The following VWA3B variants were observed in gnomAD, a reference collection of about 807,000 sequenced individuals.
VWA3B encodes von Willebrand factor A domain containing 3B.
A neutral mutation model predicts 158.3 loss-of-function variants in VWA3B; 138 were observed. The observed-to-expected ratio is 0.87, with a 90% CI of 0.76 to 1.00. The LOEUF (loss-of-function observed/expected upper bound fraction) is 1.00, where lower values mean the gene tolerates loss of function less well. Among genes scored for constraint, VWA3B ranks in the 50% least tolerant of loss-of-function variants. The pLI is 0.00. For synonymous variants in VWA3B, 596 were observed against 587.3 expected (o/e 1.01, Z -0.21); for missense variants, 1,555 against 1,565.1 (o/e 0.99, Z 0.11).
chr2:98,097,438 CT>C (rs1204115219), intron 2 of VWA3B, among the ~76,000 whole-genome samples: 2 of 152,134 alleles, frequency 1.3e-5, no homozygotes, highest in South Asian at 2.1e-4. Context: ...TTATTTCATT[CT>C]TTTTTTATGC....
intron 26 of VWA3B, among the ~76,000 whole-genome samples, chr2:98,305,201 C>T (rs1301078060): frequency 6.6e-6 from 1 of 152,198 alleles, no homozygotes; most frequent in Non-Finnish European, 1.5e-5. Context: ...CTCACTGCCT[C>T]CATGACTCCC....
intron 14 of VWA3B, among the ~76,000 whole-genome samples, chr2:98,227,740 G>T (rs1685028456): frequency 6.6e-6 from 1 of 152,206 alleles, no homozygotes; most frequent in African/African-American, 2.4e-5. Flanking sequence ...GGAGAATTGA[G>T]GGAGAGGGCT....
intron 8 of VWA3B, among the ~76,000 whole-genome samples, chr2:98,164,066 C>T (rs773135151): frequency 2.0e-5 from 3 of 152,152 alleles, no homozygotes; most frequent in Non-Finnish European, 2.9e-5. Context: ...CAGCCTTGAC[C>T]CTTGCCTGCA....
chr2:98,291,063 G>C (rs1689466958), intron 23 of VWA3B: 1 of 157,078 alleles, frequency 6.4e-6, no homozygotes, highest in African/African-American at 2.4e-5. Context: ...CACAAATGGG[G>C]TTGAGAATGT....
rs1681211900 is a variant in VWA3B at position 98,187,687 on chromosome 2, TG to T, written c.1312-287del. ...GTCTGTGTGTGTGTGTGTGTGTGTG[TG>T]TGTGTGTGTGTGTGTCGGTTGGGGG... On this transcript the variant is annotated intron_variant, in intron 9 of 27. Coordinates refer to ENST00000477737, the MANE Select transcript of VWA3B (RefSeq NM_144992.5). 1.8e-4 allele frequency among the ~76,000 whole-genome samples: 27 copies of T among 151,718 alleles called. No individual in the cohort carries two copies. In the South Asian group the frequency reaches 5.5e-3, roughly 31 times the overall value.
In VWA3B at chr2:98,119,515, G is replaced by T; in HGVS notation, c.294G>T (p.Leu98=). 6.2e-7 allele frequency: 1 copy of T among 1,613,172 alleles called. No individual in the cohort carries two copies. Among genetic ancestry groups the T allele is most frequent in the Non-Finnish European group, 8.5e-7 (1 of 1,179,666 alleles). Residue 98 remains leucine (L), a splice_region_variant and synonymous_variant, in exon 4 of 28, where the codon CTG becomes CTT. Transcript: ENST00000477737. ...YRAEDGRVYN[L]TAKSELIYQF... ...TTTTGTCTTTTATTTTCATTAAGCT[G>T]ACAGCTAAATCAGAACTGATTTATC...
intron 5 of VWA3B, among the ~76,000 whole-genome samples, chr2:98,123,478 C>A (rs1432735182): frequency 6.6e-6 from 1 of 152,202 alleles, no homozygotes; most frequent in Non-Finnish European, 1.5e-5. Flanking sequence ...GCTTTGTAAC[C>A]ACCGCGGGCC....
rs544474056 is a variant in VWA3B, at chr2:98,121,602, G to T, written c.702+144G>T. Reference sequence around the variant, plus strand: ...ACAGAGATCCCATTGGGCACTGATGGTGATGGCATAGCTGGAACAACCCAA... The same window carrying T: ...ACAGAGATCCCATTGGGCACTGATGTTGATGGCATAGCTGGAACAACCCAA... On this transcript the variant is annotated intron_variant, in intron 5 of 27. Coordinates refer to ENST00000477737, the MANE Select transcript of VWA3B (RefSeq NM_144992.5). 21 of 1,140,232 alleles carry T rather than the reference G, an allele frequency of 1.8e-5. No homozygotes were observed. In the East Asian group the frequency reaches 5.2e-4, roughly 28 times the overall value. 70.6% of individuals were successfully genotyped at this position (1,140,232 alleles called of 1,614,324 possible). A position where few individuals can be genotyped will look rare whatever the true frequency, so the allele number is the denominator to read the frequency against.
At chr2:98,186,932 TC>T (rs1311069637) in intron 9 of VWA3B, among the ~76,000 whole-genome samples, 1 of 152,102 alleles carries the variant, frequency 6.6e-6, no homozygotes, top group Non-Finnish European at 1.5e-5. Flanking sequence ...CTCCTGGCCC[TC>T]CTCTTCGTGT....
At chr2:98,175,140 G>A (rs1679901813) in intron 8 of VWA3B, among the ~76,000 whole-genome samples, 1 of 152,084 alleles carries the variant, frequency 6.6e-6, no homozygotes, top group Admixed American at 6.5e-5. Flanking sequence ...AATAAAGTAT[G>A]GACCATACAA....
At chr2:98,304,386 A>G (rs937752096) in intron 26 of VWA3B, among the ~76,000 whole-genome samples, 3 of 152,206 alleles carry the variant, frequency 2.0e-5, no homozygotes, top group Non-Finnish European at 4.4e-5. Context: ...TCATGGAGCC[A>G]TGACCTTGGA....
chr2:98,262,486 G>A (rs1174510297), intron 21 of VWA3B, among the ~76,000 whole-genome samples: 1 of 151,730 alleles, frequency 6.6e-6, no homozygotes, highest in Non-Finnish European at 1.5e-5. Flanking sequence ...TTTTGCATAT[G>A]GATAACCAGT....
At chr2:98,115,567 T>C in intron 2 of VWA3B, 85 bp from the exon 3 acceptor site, 2 of 950,762 alleles carry the variant, frequency 2.1e-6, no homozygotes, top group South Asian at 1.4e-5. Flanking sequence ...ATTTGAATGG[T>C]GTCAGAGAAA....
At chr2:98,188,206 C>T (rs1425734806) in intron 10 of VWA3B, 77 bp downstream of exon 10, 5 of 1,534,024 alleles carry the variant, frequency 3.3e-6, no homozygotes, top group Non-Finnish European at 4.4e-6. Flanking sequence ...TTTTTCCTCC[C>T]TTTTATTTTT....
intron 17 of VWA3B, 72 bp downstream of exon 17, chr2:98,234,839 G>T: frequency 6.3e-7 from 1 of 1,588,590 alleles, no homozygotes; most frequent in Non-Finnish European, 8.6e-7. Context: ...AAAGAGCTGC[G>T]TGTAGATATG....
At chr2:98,254,589 C>G (rs1412597473) in intron 20 of VWA3B, among the ~76,000 whole-genome samples, 2 of 152,170 alleles carry the variant, frequency 1.3e-5, no homozygotes, top group Non-Finnish European at 2.9e-5. Context: ...TTTCCCTCTT[C>G]CCGACTCTTT....
At chr2:98,244,241 T>G (rs980490857) in intron 19 of VWA3B, among the ~76,000 whole-genome samples, 1 of 152,202 alleles carries the variant, frequency 6.6e-6, no homozygotes, top group Non-Finnish European at 1.5e-5. Flanking sequence ...TACAGTTTAA[T>G]TATTCCTCCC....
intron 6 of VWA3B, 43 bp from the exon 7 acceptor site, chr2:98,133,781 A>G: frequency 6.4e-7 from 1 of 1,561,578 alleles, no homozygotes; most frequent in Non-Finnish European, 8.8e-7. Context: ...ATGCACGGAC[A>G]CCTGCGTACT....
intron 6 of VWA3B, among the ~76,000 whole-genome samples, chr2:98,130,533 C>A (rs796496305): frequency 2.9e-4 from 44 of 152,064 alleles, no homozygotes; most frequent in African/African-American, 9.9e-4. Context: ...GAGGTCCCTG[C>A]AGCCTTCCGC....
Sources: allele counts gnomAD v4.1 joint callset (sites outside exome capture counted in the v4.1 genomes callset), GRCh38; gene constraint gnomAD v4.1.1; transcripts MANE v1.5; gene names NCBI Gene and HGNC (gene_info 2026-07-23, HGNC 2026-07-21).